The following KEAP1 variants were observed in gnomAD, a reference collection of about 807,000 sequenced individuals.
KEAP1 encodes the protein kelch like ECH associated protein 1, also known as kelch-like ECH-associated protein 1.
A neutral mutation model predicts 59.7 loss-of-function variants in KEAP1; 26 were observed. That is an observed-to-expected ratio of 0.44 (90% CI 0.32 to 0.60). The LOEUF (loss-of-function observed/expected upper bound fraction) is 0.60, where lower values mean the gene tolerates loss of function less well. Ranked by LOEUF, KEAP1 falls within the 20% of genes least tolerant of loss-of-function variation. KEAP1 has a pLI of 0.06. For missense variants in KEAP1, 539 were observed against 871.4 expected (o/e 0.62, Z 4.80); for synonymous variants, 350 against 358.3 (o/e 0.98, Z 0.26).
chr19:10,500,888 C>A (rs981202457), intron 1 of KEAP1, among the ~76,000 whole-genome samples: 1 of 152,100 alleles, frequency 6.6e-6, no homozygotes, highest in Non-Finnish European at 1.5e-5. Flanking sequence ...CCATGTTGGC[C>A]AGGCTGGTCT....
rs776084785 is a variant in KEAP1 at position 10,491,678 on chromosome 19, G to A, written c.1224C>T (p.Pro408=). The change falls in exon 3 of 6, where the codon CCC becomes CCT. Residue 408 remains proline, a synonymous_variant. Transcript: ENST00000171111. This position sits in a 1 kb window ranked among gnomAD's most constrained non-coding sequence, Gnocchi z 5.2. ...CGATGCGGTTACGGGGCACGCTCATGGGGGCGCAGGGCGACCACTGATTGG... is the reference window on the plus strand; with the variant it reads ...CGATGCGGTTACGGGGCACGCTCATAGGGGCGCAGGGCGACCACTGATTGG... ...PMTNQWSPCA[P]MSVPRNRIGV... 2.5e-6 allele frequency: 4 copies of A among 1,580,156 alleles called. No individual in the cohort carries two copies. The highest frequency in any genetic ancestry group is 1.8e-5 in the Admixed American group (1 of 54,262).
intron 5 of KEAP1, among the ~76,000 whole-genome samples, chr19:10,488,319 A>C (rs2144583112): frequency 6.6e-6 from 1 of 151,896 alleles, no homozygotes; most frequent in Non-Finnish European, 1.5e-5. Flanking sequence ...ATAAAAATAA[A>C]CAAAAACATT....
intron 4 of KEAP1, 89 bp downstream of exon 4, chr19:10,489,559 C>A: frequency 6.8e-7 from 1 of 1,462,572 alleles, no homozygotes; most frequent in South Asian, 1.2e-5. Flanking sequence ...AGGGTTGCAA[C>A]AGGGGGTCTC....
intron 5 of KEAP1, 119 bp from the exon 6 acceptor site, chr19:10,486,937 C>G: frequency 9.6e-7 from 1 of 1,046,606 alleles, no homozygotes; most frequent in African/African-American, 1.6e-5. Flanking sequence ...TGGCTCACGC[C>G]TATAATCCTA....
At position 10,502,863 on chromosome 19, in the gene KEAP1, G is replaced by C. The variant is rs953059529; in HGVS notation, c.-48+378C>G. 6.6e-6 allele frequency: 1 copy of C among 152,112 alleles called. No individual in the cohort carries two copies. Among genetic ancestry groups the C allele is most frequent in the African/African-American group, 2.4e-5 (1 of 41,416 alleles). The allele number at this position is 152,112 out of a possible 1,614,324, so 9.4% of individuals were successfully genotyped here. A position where few individuals can be genotyped will look rare whatever the true frequency, so the allele number is the denominator to read the frequency against. On this transcript the variant is annotated intron_variant, in intron 1 of 5. Transcript: ENST00000171111. The surrounding 1 kb of genome is among the most constrained non-coding windows in gnomAD (Gnocchi z 4.0). ...CCGGGCCCTGGCCTCAGGCGGTAGG[G>C]ACCGCTGAGGGGCCGCTCCCCACCC...
rs766554865 is a variant in KEAP1, at chr19:10,491,834, C to A, written c.1068G>T (p.Ala356=). ...GGCCGCTCCGCGGCACCTGCAGGTCCGCCAACCGGAGCCAGGTGCCGTCAC... is the reference window on the plus strand; with the variant it reads ...GGCCGCTCCGCGGCACCTGCAGGTCAGCCAACCGGAGCCAGGTGCCGTCAC... The part of the protein sequence containing the change: ...NPSDGTWLRL[A]DLQVPRSGLA... The change falls in exon 3 of 6, where the codon GCG becomes GCT. Residue 356 remains alanine (A), a synonymous_variant. Coordinates refer to ENST00000171111, the MANE Select transcript of KEAP1 (RefSeq NM_203500.2). The surrounding 1 kb of genome is among the most constrained non-coding windows in gnomAD (Gnocchi z 5.2). The A allele has an allele frequency of 5.5e-5, 88 of 1,606,702 alleles. No homozygotes were observed. Among genetic ancestry groups the A allele is most frequent in the Non-Finnish European group, 7.1e-5 (83 of 1,176,930 alleles).
Position 10,500,033 on chromosome 19 carries a change from TG to T in KEAP1, c.-1del. On this transcript the variant is annotated 5_prime_UTR_variant, in exon 2 of 6. Transcript: ENST00000171111. ...CCGCTAGGCCTGGGATCTGGCTGCA[TG>T]GGGTTCCAGAAGATAAGCAACACCA... 1 of 1,543,046 alleles carries T rather than the reference TG, an allele frequency of 6.5e-7. No individual in the cohort carries two copies. Among genetic ancestry groups the T allele is most frequent in the Non-Finnish European group, 8.7e-7 (1 of 1,143,686 alleles).
At chr19:10,488,654 C>T (rs868486422) in intron 5 of KEAP1, among the ~76,000 whole-genome samples, 9 of 140,766 alleles carry the variant, frequency 6.4e-5, no homozygotes, top group South Asian at 2.3e-4. Context: ...CAAAACAGGC[C>T]GGGCGCGGTG....
intron 5 of KEAP1, among the ~76,000 whole-genome samples, chr19:10,487,385 G>A (rs1276038097): frequency 9.2e-5 from 14 of 152,110 alleles, no homozygotes; most frequent in Admixed American, 9.2e-4. Context: ...GGCCACTCGC[G>A]GTGGCTCATG....
At chr19:10,500,310 C>T (rs1367228592) in intron 1 of KEAP1, among the ~76,000 whole-genome samples, 1 of 152,196 alleles carries the variant, frequency 6.6e-6, no homozygotes, top group Non-Finnish European at 1.5e-5. Context: ...CTGGATCCTC[C>T]AATGCCTCCC....
At chr19:10,494,480 A>G (rs893866062) in intron 2 of KEAP1, among the ~76,000 whole-genome samples, 46 of 149,234 alleles carry the variant, frequency 3.1e-4, no homozygotes, top group African/African-American at 7.9e-4. Flanking sequence ...ACAGGCGCCC[A>G]CCACCACACC....
chr19:10,490,220 C>T (rs1914621757), intron 3 of KEAP1: 1 of 200,160 alleles, frequency 5.0e-6, no homozygotes, highest in Non-Finnish European at 1.0e-5. Context: ...CCACTGCACT[C>T]CAACCTGGGC....
chr19:10,490,961 G>C (rs1404958585), intron 3 of KEAP1: 1 of 152,156 alleles, frequency 6.6e-6, no homozygotes, highest in Non-Finnish European at 1.5e-5. Context: ...GCTCACACCT[G>C]TAATCGCAGC....
intron 2 of KEAP1, among the ~76,000 whole-genome samples, chr19:10,498,921 C>T (rs1026334297): frequency 5.3e-5 from 8 of 152,008 alleles, no homozygotes; most frequent in African/African-American, 1.9e-4. Context: ...CTGCAACCTC[C>T]ACCTCTTGGT....
Position 10,489,300 on chromosome 19 carries a change from C to A in KEAP1, c.1600G>T (p.Val534Leu), listed in dbSNP as rs774683169. The change falls in exon 5 of 6, where the codon GTG (valine) becomes TTG (leucine). Residue 534 changes from valine to leucine, a missense_variant. Coordinates refer to ENST00000171111, the MANE Select transcript of KEAP1 (RefSeq NM_203500.2). ...GYDGQDQLNS[V>L]ERYDVETETW... ...TCTGTTTCCACATCGTAGCGCTCCA[C>A]GCTGTTCAGCTGGTCCTGACCATCA... The A allele has an allele frequency of 2.5e-6, 4 of 1,614,002 alleles. No homozygotes were observed. The highest frequency in any genetic ancestry group is 3.4e-6 in the Non-Finnish European group (4 of 1,179,998).
At position 10,489,188 on chromosome 19, in the gene KEAP1, T is replaced by C. The variant is rs2144585845; in HGVS notation, c.1708+4A>G. On this transcript the variant is annotated splice_donor_region_variant and intron_variant, in intron 5 of 5. Transcript: ENST00000171111. The stretch of plus-strand genomic sequence containing the variant: ...AGGACTCTTCCCCGCCCCCAGGGCC[T>C]CACCAAGGACGTAGATTCTCCCCTG... 2 of 1,540,224 alleles carry C rather than the reference T, an allele frequency of 1.3e-6. No individual in the cohort carries two copies.
At chr19:10,501,300 C>T (rs1477924280) in intron 1 of KEAP1, among the ~76,000 whole-genome samples, 2 of 144,780 alleles carry the variant, frequency 1.4e-5, no homozygotes, top group East Asian at 4.8e-4. Flanking sequence ...TACAGTGGTG[C>T]GATCTTGGCT....
Position 10,489,196 on chromosome 19 carries a change from G to C in KEAP1, c.1704C>G (p.Val568=), listed in dbSNP as rs745412368. 6.2e-7 allele frequency: 1 copy of C among 1,611,600 alleles called. No homozygotes were observed. The highest frequency in any genetic ancestry group is 1.1e-5 in the South Asian group (1 of 90,978). Residue 568 remains valine, a synonymous_variant, in exon 5 of 6, where the codon GTC becomes GTG. Coordinates refer to ENST00000171111, the MANE Select transcript of KEAP1 (RefSeq NM_203500.2). ...TCCCCGCCCCCAGGGCCTCACCAAG[G>C]ACGTAGATTCTCCCCTGGTGGACAG... ...GITVHQGRIY[V]LGGYDGHTFL...
Position 10,486,751 on chromosome 19 carries a change from G to A in KEAP1, c.1776C>T (p.Ser592=), listed in dbSNP as rs754213713. 17 of 1,613,936 alleles carry A rather than the reference G, an allele frequency of 1.1e-5. No homozygotes were observed. In the Admixed American group the frequency reaches 1.2e-4, roughly 11 times the overall value. The change falls in exon 6 of 6, where the codon AGC becomes AGT. Residue 592 remains serine (S), a synonymous_variant. Transcript: ENST00000171111. The part of the protein sequence containing the change: ...ECYDPDTDTW[S]EVTRMTSGRS... ...GGCCCGATGTCATTCGGGTCACCTCGCTCCAGGTGTCTGTATCTGGGTCGT... is the reference window on the plus strand; with the variant it reads ...GGCCCGATGTCATTCGGGTCACCTCACTCCAGGTGTCTGTATCTGGGTCGT...
Sources: allele counts gnomAD v4.1 joint callset (sites outside exome capture counted in the v4.1 genomes callset), GRCh38; gene constraint gnomAD v4.1.1; non-coding constraint Gnocchi (gnomAD v3.1); transcripts MANE v1.5; gene names NCBI Gene and HGNC (gene_info 2026-07-23, HGNC 2026-07-21).